The following CCDC171 variants were observed in gnomAD, a reference collection of about 807,000 sequenced individuals.
CCDC171 encodes coiled-coil domain containing 171.
CCDC171 carries 177 observed loss-of-function variants against 168.2 expected under a neutral mutation model. The ratio of observed to expected loss-of-function variants is 1.05; its 90% CI spans 0.93 to 1.19. CCDC171 has a LOEUF of 1.19. Ranked by LOEUF, CCDC171 falls within the 50% of genes most tolerant of loss-of-function variation. The pLI, the probability that CCDC171 is intolerant of heterozygous loss-of-function variation, is 0.00. For synonymous variants in CCDC171, 687 were observed against 540.8 expected (o/e 1.27, Z -3.75); for missense variants, 1,991 against 1,539.0 (o/e 1.29, Z -4.91).
At chr9:15,730,077 A>G (rs2054063429) in intron 16 of CCDC171, among the ~76,000 whole-genome samples, 1 of 151,902 alleles carries the variant, frequency 6.6e-6, no homozygotes, top group Admixed American at 6.6e-5. Context: ...CGAAAATTAT[A>G]TTTCCTTTAT....
rs1017633290 is a variant in CCDC171, at chr9:15,930,568, C to T, written c.3753+10146C>T. ...TTACCATCATAATACCTTTTACTTA[C>T]ATGGTATATACTCAGTAAGTGTTTG... On this transcript the variant is annotated intron_variant, in intron 25 of 25. Transcript: ENST00000380701. Among the ~76,000 whole-genome samples the T allele has an allele frequency of 5.9e-5, 9 of 151,690 alleles. 1 individual carries two copies. In the Middle Eastern group the frequency reaches 0.014, roughly 229 times the overall value.
At chr9:15,700,839 A>G (rs2051673324) in intron 11 of CCDC171, among the ~76,000 whole-genome samples, 2 of 151,204 alleles carry the variant, frequency 1.3e-5, no homozygotes, top group Admixed American at 6.6e-5. Flanking sequence ...AGCTGTACTA[A>G]TTTACATTCC....
chr9:15,627,161 T>C (rs1161384467), intron 7 of CCDC171, among the ~76,000 whole-genome samples: 5 of 152,230 alleles, frequency 3.3e-5, no homozygotes, highest in African/African-American at 1.2e-4. Flanking sequence ...TCGGTGGTGA[T>C]ATCCCCTTTA....
chr9:15,985,275 A>G (rs557106862), intron 3 of CCDC171, among the ~76,000 whole-genome samples: 3 of 152,280 alleles, frequency 2.0e-5, no homozygotes, highest in South Asian at 2.1e-4. Flanking sequence ...TGGACCAATC[A>G]TACAAATTCC....
chr9:15,688,433 C>G (rs1442130133), intron 10 of CCDC171, among the ~76,000 whole-genome samples: 1 of 152,132 alleles, frequency 6.6e-6, no homozygotes, highest in Non-Finnish European at 1.5e-5. Flanking sequence ...AAACTACAGA[C>G]TAGCCTCCCT....
intron 7 of CCDC171, among the ~76,000 whole-genome samples, chr9:15,635,954 T>C (rs2046170562): frequency 1.3e-5 from 2 of 152,200 alleles, no homozygotes; most frequent in African/African-American, 2.4e-5. Flanking sequence ...ACAGCTGTTA[T>C]TGTCACTCTT....
In CCDC171 at chr9:15,702,082, A is replaced by T. The variant is rs1312562206; in HGVS notation, c.1318+6745A>T. 5.9e-5 allele frequency among the ~76,000 whole-genome samples: 9 copies of T among 152,328 alleles called. No individual in the cohort carries two copies. The South Asian group carries it at 1.9e-3, about 32-fold the overall frequency. On this transcript the variant is annotated intron_variant, in intron 11 of 25. Coordinates refer to ENST00000380701, the MANE Select transcript of CCDC171 (RefSeq NM_173550.4). ...GAAAACAACATTAATCTCCTTATAC[A>T]TCTCAGAGCTCTTGGGTGACCAAGT...
chr9:15,927,986 G>A (rs1295539077), intron 25 of CCDC171, among the ~76,000 whole-genome samples: 1 of 151,594 alleles, frequency 6.6e-6, no homozygotes, highest in East Asian at 1.9e-4. Flanking sequence ...TGTTAGCCTT[G>A]ACAATTTGTT....
At chr9:15,966,386 G>A (rs1830791255) in intron 25 of CCDC171, among the ~76,000 whole-genome samples, 1 of 152,202 alleles carries the variant, frequency 6.6e-6, no homozygotes, top group South Asian at 2.1e-4. Context: ...CACAGTACAA[G>A]TGAGGAAATG....
chr9:15,797,623 T>G (rs187199560), intron 21 of CCDC171, among the ~76,000 whole-genome samples: 1 of 152,188 alleles, frequency 6.6e-6, no homozygotes, highest in South Asian at 2.1e-4. Context: ...ATATTATCTT[T>G]TAGTCTTTGG....
chr9:15,991,426 A>C (rs1314316606), intron 3 of CCDC171, among the ~76,000 whole-genome samples: 2 of 148,402 alleles, frequency 1.3e-5, no homozygotes, highest in African/African-American at 2.7e-5. Context: ...ACACATTCAA[A>C]GAAGTGTGTA....
intron 1 of CCDC171, 192 bp downstream of exon 1, chr9:15,553,494 A>AG (rs1238088266): frequency 1.3e-5 from 2 of 152,340 alleles, no homozygotes; most frequent in Non-Finnish European, 2.9e-5. Flanking sequence ...TCCTAGCCAG[A>AG]GATCGCTGAG....
chr9:16,057,739 C>T (rs1833864261), intron 1 of CCDC171, among the ~76,000 whole-genome samples: 1 of 152,162 alleles, frequency 6.6e-6, no homozygotes, highest in East Asian at 1.9e-4. Flanking sequence ...ACCGTGATTC[C>T]ACATCCAGCA....
chr9:15,594,243 G>C, intron 6 of CCDC171, 71 bp downstream of exon 6: 1 of 849,402 alleles, frequency 1.2e-6, no homozygotes. Context: ...TACATTAGTG[G>C]GATAACTGAC....
At chr9:15,839,954 C>G (rs576052010) in intron 21 of CCDC171, among the ~76,000 whole-genome samples, 2 of 146,780 alleles carry the variant, frequency 1.4e-5, no homozygotes, top group Non-Finnish European at 3.0e-5. Context: ...TTTATTTTCC[C>G]AATTTTAAAT....
chr9:15,825,818 T>C (rs192921377), intron 21 of CCDC171, among the ~76,000 whole-genome samples: 68 of 152,298 alleles, frequency 4.5e-4, no homozygotes, highest in Non-Finnish European at 2.2e-4. Flanking sequence ...GTGAGTATAA[T>C]TTACTAGTTG....
At chr9:15,609,901 A>G (rs1259060752) in intron 6 of CCDC171, among the ~76,000 whole-genome samples, 1 of 152,098 alleles carries the variant, frequency 6.6e-6, no homozygotes, top group Non-Finnish European at 1.5e-5. Flanking sequence ...TTAAAATTGG[A>G]TTGCATTTAT....
intron 3 of CCDC171, among the ~76,000 whole-genome samples, chr9:15,983,019 T>C (rs1831853351): frequency 6.6e-6 from 1 of 152,156 alleles, no homozygotes; most frequent in South Asian, 2.1e-4. Context: ...CACTGAAACA[T>C]GTTCGTTCTT....
At chr9:15,689,416 G>T (rs1411013609) in intron 10 of CCDC171, among the ~76,000 whole-genome samples, 5 of 152,042 alleles carry the variant, frequency 3.3e-5, no homozygotes, top group Non-Finnish European at 7.4e-5. Context: ...AAACACATAT[G>T]GAAATATAAG....
Sources: gnomAD v4.1 joint callset for allele counts (sites outside exome capture counted in the v4.1 genomes callset) on GRCh38, gnomAD v4.1.1 for gene constraint, MANE v1.5 for transcripts, NCBI Gene and HGNC (gene_info 2026-07-23, HGNC 2026-07-21) for gene names.